PIK3R3: variants seen among roughly 807,000 people sequenced by gnomAD.
PIK3R3 encodes the protein phosphoinositide-3-kinase regulatory subunit 3, also known as phosphatidylinositol 3-kinase regulatory subunit gamma.
In PIK3R3, 64 loss-of-function variants were observed where a neutral mutation model predicts 62.9. The ratio of observed to expected loss-of-function variants is 1.02; its 90% CI spans 0.83 to 1.25. The LOEUF (loss-of-function observed/expected upper bound fraction) is 1.25, where lower values mean the gene tolerates loss of function less well. PIK3R3 is among the 50% of genes most tolerant of loss of function. PIK3R3 has a pLI of 0.00. For missense variants in PIK3R3, 614 were observed against 561.6 expected, an observed-to-expected ratio of 1.09 and a Z score of -0.94; for synonymous variants, 165 against 189.0, an observed-to-expected ratio of 0.87 and a Z score of 1.04.
chr1:46,153,677 G>C, the PIK3R3 span, among the ~76,000 whole-genome samples: 1 of 152,184 alleles, frequency 6.6e-6, no homozygotes, highest in Non-Finnish European at 1.5e-5. Context: ...TGGGAATTGA[G>C]GAGAAAGGAA....
At chr1:46,126,843 A>T (rs1655136627) in intron 1 of PIK3R3, among the ~76,000 whole-genome samples, 1 of 151,898 alleles carries the variant, frequency 6.6e-6, no homozygotes, top group African/African-American at 2.4e-5. Flanking sequence ...TCTCAGTTAT[A>T]TTCTAATACT....
chr1:46,046,592 G>A lies in PIK3R3; in HGVS notation c.975C>T (p.Arg325=), dbSNP rs779254872. The change falls in exon 8 of 10, where the codon CGC becomes CGT. Residue 325 remains arginine (R), a synonymous_variant. Transcript: ENST00000262741. ...WLNHKGVRQK[R]LNVWLGIKNE... is the part of the protein sequence containing the mutation. Reference sequence around the variant, plus strand: ...TCTTAATTCCCAGCCAGACATTCAGGCGTTTCTGTCTCACTCCTTTGTGAT... The same window carrying A: ...TCTTAATTCCCAGCCAGACATTCAGACGTTTCTGTCTCACTCCTTTGTGAT... The A allele has an allele frequency of 2.4e-5, 39 of 1,613,552 alleles. No individual in the cohort carries two copies. Among genetic ancestry groups the A allele is most frequent in the Non-Finnish European group, 3.2e-5 (38 of 1,179,634 alleles).
At chr1:46,148,600 T>G in the PIK3R3 span, among the ~76,000 whole-genome samples, 1 of 152,166 alleles carries the variant, frequency 6.6e-6, no homozygotes, top group Non-Finnish European at 1.5e-5. Context: ...GTAGCCACCC[T>G]TGGAAGCAGA....
intron 1 of PIK3R3, among the ~76,000 whole-genome samples, chr1:46,122,946 G>C (rs1227691742): frequency 6.6e-6 from 1 of 152,034 alleles, no homozygotes; most frequent in Non-Finnish European, 1.5e-5. Context: ...TACAAGCTGG[G>C]CATGGTGACA....
chr1:46,166,801 G>A, the PIK3R3 span, among the ~76,000 whole-genome samples: 1 of 152,188 alleles, frequency 6.6e-6, no homozygotes, highest in Non-Finnish European at 1.5e-5. Flanking sequence ...GCCGCTTTCC[G>A]GATAGGGGAC....
chr1:46,140,820 T>C, the PIK3R3 span, among the ~76,000 whole-genome samples: 1 of 151,692 alleles, frequency 6.6e-6, no homozygotes, highest in Non-Finnish European at 1.5e-5. Flanking sequence ...AAACTTGTGG[T>C]TTTTTTTGTT....
chr1:46,172,866 G>A, the PIK3R3 span, among the ~76,000 whole-genome samples: 5 of 152,032 alleles, frequency 3.3e-5, no homozygotes, highest in Non-Finnish European at 7.4e-5. Context: ...GGTGGCACAT[G>A]CCTGTAGTCC....
upstream of PIK3R3, chr1:46,134,796 G>A (rs1384621136): frequency 6.6e-6 from 1 of 152,208 alleles, no homozygotes; most frequent in Non-Finnish European, 1.5e-5. Context: ...AGCATTTAGT[G>A]GTGGGGTTTC....
rs933808177 is a variant in PIK3R3, at chr1:46,042,251, A to T, written c.*1422T>A. ...CACTCAGCTGGAAGGCTTAAGCCAC[A>T]TGGAGCAGAAGATTCCTGGCCTAAA... On this transcript the variant is annotated 3_prime_UTR_variant, in exon 10 of 10. Coordinates refer to ENST00000262741, the MANE Select transcript of PIK3R3 (RefSeq NM_003629.4). The surrounding 1 kb of genome is among the most constrained non-coding windows in gnomAD (Gnocchi z 4.3). 1.3e-5 allele frequency: 3 copies of T among 226,556 alleles called. No homozygotes were observed. Among genetic ancestry groups the T allele is most frequent in the Non-Finnish European group, 2.6e-5 (3 of 113,922 alleles). The allele number at this position is 226,556 out of a possible 1,614,324, so 14.0% of individuals were successfully genotyped here.
At chr1:46,128,454 GA>G (rs935930408) in intron 1 of PIK3R3, among the ~76,000 whole-genome samples, 10 of 151,848 alleles carry the variant, frequency 6.6e-5, no homozygotes, top group African/African-American at 2.4e-4. Flanking sequence ...AAATAAAGAT[GA>G]AAAAACATAT....
intron 1 of PIK3R3, among the ~76,000 whole-genome samples, chr1:46,109,569 TG>T (rs1653544824): frequency 1.3e-5 from 2 of 152,054 alleles, no homozygotes; most frequent in Admixed American, 1.3e-4. Context: ...CTGCAACCTC[TG>T]CCTCCTGGGT....
chr1:46,068,266 C>T (rs1649186579), intron 3 of PIK3R3, among the ~76,000 whole-genome samples: 1 of 152,130 alleles, frequency 6.6e-6, no homozygotes, highest in Non-Finnish European at 1.5e-5. Flanking sequence ...AAGCTGGCCT[C>T]TCTGTTAAAG....
At chr1:46,126,326 T>C (rs191219233) in intron 1 of PIK3R3, among the ~76,000 whole-genome samples, 5 of 150,710 alleles carry the variant, frequency 3.3e-5, no homozygotes, top group African/African-American at 1.2e-4. Context: ...TCATTTGAGG[T>C]CAGGAGTTCA....
intron 6 of PIK3R3, among the ~76,000 whole-genome samples, chr1:46,060,932 C>T (rs1648424169): frequency 6.6e-6 from 1 of 152,188 alleles, no homozygotes; most frequent in South Asian, 2.1e-4. Context: ...CTTAGTCTTC[C>T]AATACTCCAC....
In PIK3R3 at chr1:46,044,715, C is replaced by T. The variant is rs1245508493; in HGVS notation, c.1188-844G>A. On this transcript the variant is annotated intron_variant, in intron 9 of 9. Transcript: ENST00000262741. The surrounding 1 kb of genome is among the most constrained non-coding windows in gnomAD (Gnocchi z 4.2). ...CATCTCAGATACCTTTTCCACAAAA[C>T]CTCCCAATCCGCTCTTTCTCCACTA... Among the ~76,000 whole-genome samples, 5 of 152,204 alleles carry T rather than the reference C, an allele frequency of 3.3e-5. No homozygotes were observed. Among genetic ancestry groups the T allele is most frequent in the Non-Finnish European group, 7.3e-5 (5 of 68,038 alleles).
chr1:46,145,048 A>G, the PIK3R3 span, among the ~76,000 whole-genome samples: 1 of 151,214 alleles, frequency 6.6e-6, no homozygotes, highest in East Asian at 2.0e-4. Flanking sequence ...GCTTGAACCC[A>G]GAAGGCGGAG....
the PIK3R3 span, among the ~76,000 whole-genome samples, chr1:46,141,428 G>A: frequency 8.7e-3 from 1,320 of 151,594 alleles, 5 homozygotes; most frequent in Non-Finnish European, 0.013. Context: ...CCACCACCAC[G>A]CCCAGCTAAT....
At chr1:46,119,458 A>T (rs1654472220) in intron 1 of PIK3R3, among the ~76,000 whole-genome samples, 1 of 152,200 alleles carries the variant, frequency 6.6e-6, no homozygotes, top group Admixed American at 6.5e-5. Context: ...CAAAGGACAC[A>T]TGTTAAGAAG....
In PIK3R3 at chr1:46,077,621, A is replaced by G; in HGVS notation, c.216-8T>C. 1 of 1,562,746 alleles carries G rather than the reference A, an allele frequency of 6.4e-7. No homozygotes were observed. Among genetic ancestry groups the G allele is most frequent in the Non-Finnish European group, 8.8e-7 (1 of 1,133,578 alleles). Reference sequence around the variant, plus strand: ...TTGTCATTTACCTCCTCCCTGAAGAACAGAATTATAAGAAAAATGAAAAAA... The same window carrying G: ...TTGTCATTTACCTCCTCCCTGAAGAGCAGAATTATAAGAAAAATGAAAAAA... On this transcript the variant is annotated splice_region_variant and splice_polypyrimidine_tract_variant and intron_variant, in intron 2 of 9. Transcript: ENST00000262741.
Sources: gnomAD v4.1 joint callset for allele counts (sites outside exome capture counted in the v4.1 genomes callset) on GRCh38, gnomAD v4.1.1 for gene constraint, Gnocchi (gnomAD v3.1) non-coding constraint, MANE v1.5 for transcripts, NCBI Gene and HGNC (gene_info 2026-07-23, HGNC 2026-07-21) for gene names.